STYXL2: variants seen among roughly 807,000 people sequenced by gnomAD.
STYXL2 encodes the protein serine/threonine/tyrosine interacting like 2, also known as serine/threonine/tyrosine-interacting-like protein 2.
STYXL2 carries 44 observed loss-of-function variants against 52.4 expected under a neutral mutation model. The ratio of observed to expected loss-of-function variants is 0.84; its 90% CI spans 0.66 to 1.08. The LOEUF is 1.08. Among genes scored for constraint, STYXL2 ranks in the 50% least tolerant of loss-of-function variants. STYXL2 has a pLI of 0.00. For synonymous variants in STYXL2, 604 were observed against 586.9 expected, an observed-to-expected ratio of 1.03 and a Z score of -0.42; for missense variants, 1,604 against 1,471.7, an observed-to-expected ratio of 1.09 and a Z score of -1.47.
chr1:167,098,521 T>A (rs1477122234), intron 2 of STYXL2, among the ~76,000 whole-genome samples: 1 of 152,130 alleles, frequency 6.6e-6, no homozygotes, highest in Non-Finnish European at 1.5e-5. Flanking sequence ...GAATAAAAAA[T>A]TTATACTACA....
chr1:167,103,077 T>C (rs961402945), intron 2 of STYXL2, among the ~76,000 whole-genome samples: 1 of 146,380 alleles, frequency 6.8e-6, no homozygotes, highest in Admixed American at 6.8e-5. Flanking sequence ...CTCGTTTCTG[T>C]TGGCTACGGG....
chr1:167,105,270 C>T (rs1033369247), intron 2 of STYXL2, among the ~76,000 whole-genome samples: 2 of 152,092 alleles, frequency 1.3e-5, no homozygotes, highest in East Asian at 1.9e-4. Flanking sequence ...TTTTGAAAAA[C>T]GCAGGTCTAA....
At chr1:167,119,170 GA>G in intron 4 of STYXL2, 78 bp from the exon 5 acceptor site, 1 of 1,392,806 alleles carries the variant, frequency 7.2e-7, no homozygotes. Flanking sequence ...TAGACTGGCT[GA>G]GGCAGGCTCA....
chr1:167,120,557 G>A (rs538175431), intron 5 of STYXL2, among the ~76,000 whole-genome samples: 1 of 152,216 alleles, frequency 6.6e-6, no homozygotes, highest in South Asian at 2.1e-4. Flanking sequence ...GGCATTGCCT[G>A]TCACCACCAA....
At chr1:167,115,813 T>C (rs1223825561) in intron 3 of STYXL2, among the ~76,000 whole-genome samples, 1 of 151,974 alleles carries the variant, frequency 6.6e-6, no homozygotes, top group Non-Finnish European at 1.5e-5. Flanking sequence ...TCAGAGAACG[T>C]TTAGAGCTGA....
intron 4 of STYXL2, 30 bp downstream of exon 4, chr1:167,117,589 G>T: frequency 6.4e-7 from 1 of 1,552,174 alleles, no homozygotes. Flanking sequence ...ATGACCCTTT[G>T]TCCTAACCCT....
intron 2 of STYXL2, among the ~76,000 whole-genome samples, chr1:167,098,529 A>G (rs946198154): frequency 6.6e-6 from 1 of 152,232 alleles, no homozygotes; most frequent in Non-Finnish European, 1.5e-5. Context: ...AATTTATACT[A>G]CACTGTTTCA....
chr1:167,103,063 C>G (rs1028469113), intron 2 of STYXL2, among the ~76,000 whole-genome samples: 8 of 150,236 alleles, frequency 5.3e-5, no homozygotes, highest in Non-Finnish European at 1.0e-4. Flanking sequence ...TTCCTTGTCT[C>G]TTGCTCGTTT....
At chr1:167,113,826 T>C (rs1473862575) in intron 3 of STYXL2, 22 bp downstream of exon 3, 1 of 1,593,744 alleles carries the variant, frequency 6.3e-7, no homozygotes, top group African/African-American at 1.3e-5. Flanking sequence ...AAAAGCTGGG[T>C]GGAAGCAAAG....
At chr1:167,113,541 T>C (rs140320932) in intron 2 of STYXL2, among the ~76,000 whole-genome samples, 169 bp from the exon 3 acceptor site, 1 of 152,214 alleles carries the variant, frequency 6.6e-6, no homozygotes, top group East Asian at 1.9e-4. Flanking sequence ...CTGAGTCACA[T>C]GATACCCAGT....
chr1:167,128,259 G>C lies in STYXL2; in HGVS notation c.3128G>C (p.Arg1043Pro). 6.2e-7 allele frequency: 1 copy of C among 1,614,136 alleles called. No individual in the cohort carries two copies. The highest frequency in any genetic ancestry group is 1.1e-5 in the South Asian group (1 of 91,074). ...REESPEPYFF[R>P]RTPESSEREE... ...GAGAGCCCAGAGCCCTACTTCTTCCGCCGGACCCCAGAGTCCTCAGAAAGG... is the reference window on the plus strand; with the variant it reads ...GAGAGCCCAGAGCCCTACTTCTTCCCCCGGACCCCAGAGTCCTCAGAAAGG... Residue 1043 changes from arginine (R) to proline (P), a missense_variant, in exon 6 of 6, where the codon CGC (arginine) becomes CCC (proline). Coordinates refer to ENST00000361200, the MANE Select transcript of STYXL2 (RefSeq NM_001080426.3).
chr1:167,119,184 G>A (rs900764830), intron 4 of STYXL2, 65 bp from the exon 5 acceptor site: 104 of 1,505,610 alleles, frequency 6.9e-5, no homozygotes, highest in Admixed American at 1.8e-4. Flanking sequence ...CAGGCTCACC[G>A]TCACAGTGGT....
chr1:167,117,663 C>A, intron 4 of STYXL2, 104 bp downstream of exon 4: 1 of 1,050,684 alleles, frequency 9.5e-7, no homozygotes, highest in Non-Finnish European at 1.4e-6. Context: ...ATAGGTCCAT[C>A]CAGCACAATG....
At chr1:167,106,172 G>A (rs1178254626) in intron 2 of STYXL2, among the ~76,000 whole-genome samples, 3 of 152,160 alleles carry the variant, frequency 2.0e-5, no homozygotes, top group Non-Finnish European at 4.4e-5. Context: ...TAAAGTCAAC[G>A]TTATTTAGGG....
In STYXL2 at chr1:167,127,689, A is replaced by C. The variant is rs61748778; in HGVS notation, c.2558A>C (p.Glu853Ala). Reference protein sequence around the residue: ...MQMELREKMSEYKMEKLASDN... With the variant: ...MQMELREKMSAYKMEKLASDN... ...ATGGAGCTTAGGGAGAAGATGTCTG[A>C]GTACAAAATGGAAAAGCTGGCCTCA... The change falls in exon 6 of 6, where the codon GAG (glutamate) becomes GCG (alanine). Residue 853 changes from glutamate (E) to alanine (A), a missense_variant. Transcript: ENST00000361200. The C allele has an allele frequency of 7.8e-3, 12,509 of 1,614,016 alleles. 799 individuals are homozygous for C. In the African/African-American group the frequency reaches 0.14, roughly 19 times the overall value.
At position 167,126,642 on chromosome 1, in the gene STYXL2, C is replaced by A. The variant is rs758006721; in HGVS notation, c.1511C>A (p.Ala504Glu). The stretch of plus-strand genomic sequence containing the variant: ...CACGCCAAGAGCAAGAGAGAGGAGG[C>A]GGCAGACAGGAGCTCAGAAGCAGGG... ...RYHAKSKREE[A>E]ADRSSEAGSR... is the part of the protein sequence containing the mutation. The change falls in exon 6 of 6, where the codon GCG becomes GAG. Residue 504 changes from alanine (A) to glutamate (E), a missense_variant. By Grantham distance (107) the Ala-to-Glu change is moderately radical. Coordinates refer to ENST00000361200, the MANE Select transcript of STYXL2 (RefSeq NM_001080426.3). 8.7e-6 allele frequency: 14 copies of A among 1,613,968 alleles called. No individual in the cohort carries two copies. The highest frequency in any genetic ancestry group is 4.5e-5 in the East Asian group (2 of 44,834).
rs1470381608 is a variant in STYXL2, at chr1:167,099,369, A to G, written c.110+4410A>G. 2.6e-5 allele frequency among the ~76,000 whole-genome samples: 4 copies of G among 152,350 alleles called. No homozygotes were observed. In the East Asian group the frequency reaches 5.8e-4, roughly 22 times the overall value. ...AATTAACCTAATGAGCATTTATAGA[A>G]CATGCACCCAACAAGTACAGGATAC... is the stretch of plus-strand genomic sequence containing the variant. On this transcript the variant is annotated intron_variant, in intron 2 of 5. Coordinates refer to ENST00000361200, the MANE Select transcript of STYXL2 (RefSeq NM_001080426.3).
rs140557114 is a variant in STYXL2 at position 167,113,727 on chromosome 1, A to G, written c.128A>G (p.Asp43Gly). The change falls in exon 3 of 6, where the codon GAT (aspartate) becomes GGT (glycine). Residue 43 changes from aspartate to glycine, a missense_variant. By Grantham distance (94) the Asp-to-Gly change is moderately conservative. Coordinates refer to ENST00000361200, the MANE Select transcript of STYXL2 (RefSeq NM_001080426.3). ...PSPSQYSMVS[D>G]AETESIFMEP... is the part of the protein sequence containing the mutation. ...TCCCTTAGGTATTCGATGGTCTCAG[A>G]TGCAGAAACAGAAAGCATTTTCATG... 5 of 1,613,790 alleles carry G rather than the reference A, an allele frequency of 3.1e-6. No homozygotes were observed. In the African/African-American group the frequency reaches 6.7e-5, roughly 22 times the overall value.
rs1667989248 is a variant in STYXL2 at position 167,127,045 on chromosome 1, G to C, written c.1914G>C (p.Glu638Asp). 1 of 1,609,452 alleles carries C rather than the reference G, an allele frequency of 6.2e-7. No homozygotes were observed. Among genetic ancestry groups the C allele is most frequent in the Non-Finnish European group, 8.5e-7 (1 of 1,177,096 alleles). ...ELLERSRQTLEESQSMASWEA... is the reference protein window; with the variant it reads ...ELLERSRQTLDESQSMASWEA... ...TGGAGAGAAGCCGGCAGACGCTGGAGGAGAGCCAGTCTATGGCAAGCTGGG... is the reference window on the plus strand; with the variant it reads ...TGGAGAGAAGCCGGCAGACGCTGGACGAGAGCCAGTCTATGGCAAGCTGGG... Residue 638 changes from glutamate to aspartate, a missense_variant, in exon 6 of 6, where the codon GAG (glutamate) becomes GAC (aspartate). Coordinates refer to ENST00000361200, the MANE Select transcript of STYXL2 (RefSeq NM_001080426.3).
Sources: gnomAD v4.1 joint callset for allele counts (sites outside exome capture counted in the v4.1 genomes callset) on GRCh38, gnomAD v4.1.1 for gene constraint, MANE v1.5 for transcripts, NCBI Gene and HGNC (gene_info 2026-07-23, HGNC 2026-07-21) for gene names.